The following DOCK3 variants were observed in gnomAD, a reference collection of about 807,000 sequenced individuals.
DOCK3 encodes the protein dedicator of cytokinesis protein 3.
In DOCK3, 60 loss-of-function variants were observed where a neutral mutation model predicts 265.6. That is an observed-to-expected ratio of 0.23 (90% confidence interval 0.18 to 0.28). The LOEUF is 0.28. DOCK3 is among the 10% of genes least tolerant of loss of function. DOCK3 has a pLI of 1.00. For synonymous variants in DOCK3, 881 were observed against 938.0 expected, an observed-to-expected ratio of 0.94 and a Z score of 1.11; for missense variants, 1,981 against 2,594.3, an observed-to-expected ratio of 0.76 and a Z score of 5.14.
At chr3:50,894,491 A>C (rs1007687461) in intron 4 of DOCK3, among the ~76,000 whole-genome samples, 3 of 152,214 alleles carry the variant, frequency 2.0e-5, no homozygotes, top group Non-Finnish European at 4.4e-5. Context: ...GTTGAAACAA[A>C]ATGATGCTAT....
intron 4 of DOCK3, among the ~76,000 whole-genome samples, chr3:50,909,970 G>A (rs532212420): frequency 1.3e-5 from 2 of 151,872 alleles, no homozygotes; most frequent in South Asian, 2.1e-4. Context: ...CAGAAAGATC[G>A]TCTTCAAGCT....
chr3:50,910,242 A>G (rs1019337212), intron 4 of DOCK3, among the ~76,000 whole-genome samples: 6 of 152,082 alleles, frequency 3.9e-5, no homozygotes, highest in Admixed American at 2.0e-4. Context: ...TCTCAGCCTC[A>G]GACCAGTTCT....
At chr3:51,315,484 G>T (rs1376135444) in intron 32 of DOCK3, among the ~76,000 whole-genome samples, 1 of 152,142 alleles carries the variant, frequency 6.6e-6, no homozygotes, top group East Asian at 1.9e-4. Context: ...TTCTAGGGCT[G>T]CAGCCCAGAC....
chr3:51,195,281 C>T (rs1560190897), intron 12 of DOCK3, among the ~76,000 whole-genome samples: 1 of 152,050 alleles, frequency 6.6e-6, no homozygotes, highest in African/African-American at 2.4e-5. Flanking sequence ...TGTTTTCTGA[C>T]TTTTTTATAT....
chr3:50,691,637 G>A (rs902588525), intron 1 of DOCK3, among the ~76,000 whole-genome samples: 1 of 152,224 alleles, frequency 6.6e-6, no homozygotes, highest in African/African-American at 2.4e-5. Flanking sequence ...TTAGGAGCTA[G>A]TGTACTGTTT....
Position 51,097,843 on chromosome 3 carries a change from C to T in DOCK3, c.746+7459C>T, listed in dbSNP as rs552729483. 9.2e-5 allele frequency among the ~76,000 whole-genome samples: 14 copies of T among 152,306 alleles called. No homozygotes were observed. The South Asian group carries it at 1.7e-3, about 18-fold the overall frequency. ...CTGTCCCTCATGGCACAGTCCCTCA[C>T]GGCTTTCCTTGGCTAGGGGAGGGAG... On this transcript the variant is annotated intron_variant, in intron 9 of 52. Transcript: ENST00000266037.
intron 1 of DOCK3, among the ~76,000 whole-genome samples, chr3:50,754,085 G>A (rs1198623342): frequency 1.3e-5 from 2 of 150,618 alleles, no homozygotes; most frequent in Non-Finnish European, 2.9e-5. Context: ...GAACCTGGGA[G>A]GCGGAGGTTG....
intron 3 of DOCK3, among the ~76,000 whole-genome samples, chr3:50,884,155 A>G (rs2048208850): frequency 6.7e-6 from 1 of 149,794 alleles, no homozygotes; most frequent in East Asian, 2.0e-4. Context: ...CAGTGGCGCC[A>G]TCTCGCCTCA....
intron 27 of DOCK3, among the ~76,000 whole-genome samples, chr3:51,307,664 GAGATT>G (rs1488221462): frequency 2.0e-5 from 3 of 152,050 alleles, no homozygotes; most frequent in African/African-American, 7.2e-5. Context: ...GCACAGGTGA[GAGATT>G]AGGCCTTCTC....
chr3:51,019,316 T>C (rs1258256989), intron 5 of DOCK3, among the ~76,000 whole-genome samples: 1 of 151,932 alleles, frequency 6.6e-6, no homozygotes, highest in East Asian at 1.9e-4. Context: ...GATCAATTGA[T>C]TAGTTGAACA....
At chr3:51,016,480 A>T (rs1417214144) in intron 5 of DOCK3, among the ~76,000 whole-genome samples, 1 of 90,622 alleles carries the variant, frequency 1.1e-5, no homozygotes, top group Non-Finnish European at 1.9e-5. Flanking sequence ...TCTACATAAT[A>T]TATATATCAT....
intron 27 of DOCK3, among the ~76,000 whole-genome samples, chr3:51,286,061 A>G (rs2081387318): frequency 6.6e-6 from 1 of 152,232 alleles, no homozygotes. Context: ...TTCTATACCT[A>G]GGAAACTCCA....
At position 50,901,637 on chromosome 3, in the gene DOCK3, G is replaced by A. The variant is rs763554432; in HGVS notation, c.218+11556G>A. The A allele has an allele frequency of 2.0e-4, 89 of 453,768 alleles. 1 individual carries two copies. Among genetic ancestry groups the A allele is most frequent in the South Asian group, 1.4e-3 (88 of 64,394 alleles). 28.1% of individuals were successfully genotyped at this position (453,768 alleles called of 1,614,324 possible). ...GGGAATCTCCTGGTGTGTGGATTGC[G>A]AGGACCATGGGAAAAGCATAGTAAC... On this transcript the variant is annotated intron_variant, in intron 4 of 52. Coordinates refer to ENST00000266037, the MANE Select transcript of DOCK3 (RefSeq NM_004947.5).
intron 14 of DOCK3, among the ~76,000 whole-genome samples, chr3:51,220,222 A>G (rs2090003394): frequency 6.6e-6 from 1 of 152,172 alleles, no homozygotes; most frequent in South Asian, 2.1e-4. Flanking sequence ...TATTCTTCCA[A>G]CACATAGGCT....
intron 1 of DOCK3, among the ~76,000 whole-genome samples, chr3:50,687,551 G>A (rs1269339044): frequency 6.6e-6 from 1 of 152,220 alleles, no homozygotes; most frequent in Non-Finnish European, 1.5e-5. Context: ...TGTATGCTCT[G>A]CGTCCATTTC....
At chr3:51,326,227 A>T (rs2084100616) in intron 32 of DOCK3, among the ~76,000 whole-genome samples, 1 of 151,352 alleles carries the variant, frequency 6.6e-6, no homozygotes, top group African/African-American at 2.4e-5. Flanking sequence ...GCTGGACTGT[A>T]ATGTATTTTG....
intron 26 of DOCK3, 165 bp downstream of exon 26, chr3:51,277,919 T>C: frequency 1.0e-6 from 1 of 985,424 alleles, no homozygotes; most frequent in South Asian, 4.7e-5. Context: ...CTCTCCTCTC[T>C]ACTCTGAAAG....
chr3:50,804,584 C>G (rs536902777), intron 2 of DOCK3, among the ~76,000 whole-genome samples: 1 of 152,224 alleles, frequency 6.6e-6, no homozygotes, highest in East Asian at 1.9e-4. Context: ...CAAAAATATA[C>G]GAAAACCAGT....
At chr3:50,998,279 G>T (rs1049629978) in intron 5 of DOCK3, among the ~76,000 whole-genome samples, 1 of 152,180 alleles carries the variant, frequency 6.6e-6, no homozygotes, top group African/African-American at 2.4e-5. Flanking sequence ...TTGAATGCTA[G>T]CTCTTGATTA....
Sources: allele counts gnomAD v4.1 joint callset (sites outside exome capture counted in the v4.1 genomes callset), GRCh38; gene constraint gnomAD v4.1.1; transcripts MANE v1.5; gene names NCBI Gene and HGNC (gene_info 2026-07-23, HGNC 2026-07-21).